NALF1: variants seen among roughly 807,000 people sequenced by gnomAD.
NALF1 encodes the protein NALCN channel auxiliary factor 1.
A neutral mutation model predicts 48.4 loss-of-function variants in NALF1; 3 were observed. The ratio of observed to expected loss-of-function variants is 0.06; its 90% CI spans 0.03 to 0.16. The LOEUF (loss-of-function observed/expected upper bound fraction) is 0.16. Ranked by LOEUF, NALF1 falls within the 10% of genes least tolerant of loss-of-function variation. The probability of loss-of-function intolerance (pLI) is 1.00; values close to 1 mark genes in which losing one functional copy is unlikely to be tolerated. For synonymous variants in NALF1, 262 were observed against 245.7 expected (o/e 1.07, Z -0.62); for missense variants, 526 against 571.5 (o/e 0.92, Z 0.81).
intron 1 of NALF1, among the ~76,000 whole-genome samples, chr13:107,534,163 GAAATCA>G (rs1186929538): frequency 6.6e-6 from 1 of 152,066 alleles, no homozygotes; most frequent in Non-Finnish European, 1.5e-5. Flanking sequence ...CCAGACCTAT[GAAATCA>G]GAAACTCTGC....
At chr13:107,577,683 G>T (rs1178086856) in intron 1 of NALF1, among the ~76,000 whole-genome samples, 1 of 152,014 alleles carries the variant, frequency 6.6e-6, no homozygotes, top group African/African-American at 2.4e-5. Context: ...TCTATTTTTT[G>T]TTACATTTTC....
chr13:107,576,367 T>A (rs1878148897), intron 1 of NALF1, among the ~76,000 whole-genome samples: 1 of 152,226 alleles, frequency 6.6e-6, no homozygotes, highest in Admixed American at 6.5e-5. Flanking sequence ...GTTTTTTTGT[T>A]TATTTGCTCA....
At chr13:107,703,075 C>T (rs999504953) in intron 1 of NALF1, among the ~76,000 whole-genome samples, 5 of 152,098 alleles carry the variant, frequency 3.3e-5, no homozygotes, top group Non-Finnish European at 5.9e-5. Flanking sequence ...AACAGGATTG[C>T]TGGGTCAAAT....
At chr13:107,350,213 C>A (rs748991671) in intron 1 of NALF1, among the ~76,000 whole-genome samples, 3 of 152,076 alleles carry the variant, frequency 2.0e-5, no homozygotes, top group Admixed American at 2.0e-4. Flanking sequence ...CTGTATTGTA[C>A]GTAAAACAGT....
chr13:107,801,871 C>T (rs1010455511), intron 1 of NALF1, among the ~76,000 whole-genome samples: 5 of 152,242 alleles, frequency 3.3e-5, no homozygotes, highest in South Asian at 2.1e-4. Context: ...AGCGCTGCAC[C>T]GGTTGAATGA....
chr13:107,443,167 ACAAT>A (rs368435398), intron 1 of NALF1, among the ~76,000 whole-genome samples: 15,133 of 138,318 alleles, frequency 0.11, 1,001 homozygotes, highest in Non-Finnish European at 0.16. Context: ...TATTTATCTA[ACAAT>A]CTATCTATCT....
chr13:107,349,801 A>G (rs979986386), intron 1 of NALF1, among the ~76,000 whole-genome samples: 16 of 151,918 alleles, frequency 1.1e-4, no homozygotes, highest in Admixed American at 8.5e-4. Flanking sequence ...GATAGCCATA[A>G]GTAGACCCTC....
chr13:107,727,605 G>A (rs1227370898), intron 1 of NALF1, among the ~76,000 whole-genome samples: 1 of 152,170 alleles, frequency 6.6e-6, no homozygotes, highest in African/African-American at 2.4e-5. Flanking sequence ...ACGCCATTCA[G>A]GACACAGGCA....
In NALF1 at chr13:107,578,069, C is replaced by G. The variant is rs573437609; in HGVS notation, c.915+287613G>C. 1.7e-3 allele frequency among the ~76,000 whole-genome samples: 254 copies of G among 152,254 alleles called. 1 individual carries two copies. The highest frequency in any genetic ancestry group is 5.7e-3 in the African/African-American group (236 of 41,548). On this transcript the variant is annotated intron_variant, in intron 1 of 2. Coordinates refer to ENST00000375915, the MANE Select transcript of NALF1 (RefSeq NM_001080396.3). ...CAGGTCTAAAATTGATTGGTGCTAT[C>G]TCCTCTTCCCAATTCTTGCCTCCTC...
intron 1 of NALF1, among the ~76,000 whole-genome samples, chr13:107,817,367 CT>C (rs1440900991): frequency 6.6e-6 from 1 of 152,150 alleles, no homozygotes; most frequent in Non-Finnish European, 1.5e-5. Context: ...GATTCTGTAA[CT>C]TTTGGTAGAC....
intron 1 of NALF1, among the ~76,000 whole-genome samples, chr13:107,517,516 C>T (rs534002257): frequency 2.0e-5 from 3 of 152,194 alleles, no homozygotes; most frequent in African/African-American, 7.2e-5. Flanking sequence ...CCTGTAGTCC[C>T]AGCTACTCGG....
chr13:107,186,470 C>T (rs1237980734), intron 2 of NALF1, among the ~76,000 whole-genome samples: 4 of 152,124 alleles, frequency 2.6e-5, no homozygotes, highest in Non-Finnish European at 4.4e-5. Flanking sequence ...CGGGTTCAAG[C>T]GATTCTCTTG....
intron 1 of NALF1, among the ~76,000 whole-genome samples, chr13:107,293,026 GC>G (rs144005443): frequency 0.014 from 1,842 of 131,726 alleles, 61 homozygotes; most frequent in East Asian, 0.037. Flanking sequence ...TGTCGCCCAG[GC>G]TGGAGTGCAG....
At chr13:107,646,181 A>G (rs1400555780) in intron 1 of NALF1, among the ~76,000 whole-genome samples, 1 of 152,070 alleles carries the variant, frequency 6.6e-6, no homozygotes, top group African/African-American at 2.4e-5. Flanking sequence ...CTGGTCAACA[A>G]GCTATTCCTT....
intron 1 of NALF1, among the ~76,000 whole-genome samples, chr13:107,759,954 C>A (rs950993419): frequency 1.3e-5 from 2 of 152,036 alleles, no homozygotes; most frequent in Non-Finnish European, 2.9e-5. Context: ...ACTTTTTTGT[C>A]ACATTCAACA....
At chr13:107,676,131 A>G (rs6492067) in intron 1 of NALF1, among the ~76,000 whole-genome samples, 77,306 of 152,124 alleles carry the variant, frequency 0.51, 20,521 homozygotes, top group Middle Eastern at 0.66. Context: ...AGGAGTCAAT[A>G]CTACTTATTC....
intron 1 of NALF1, among the ~76,000 whole-genome samples, chr13:107,425,299 A>G (rs1884260731): frequency 6.6e-6 from 1 of 152,208 alleles, no homozygotes; most frequent in African/African-American, 2.4e-5. Context: ...TTCTAAAGAG[A>G]AAAGCCCCAT....
At chr13:107,828,492 G>GT (rs35255869) in intron 1 of NALF1, among the ~76,000 whole-genome samples, 96,305 of 136,684 alleles carry the variant, frequency 0.7, 35,402 homozygotes, top group Non-Finnish European at 0.81. Flanking sequence ...CCACTGACTT[G>GT]TTTTTTTTTT....
At chr13:107,539,568 T>C (rs1956611852) in intron 1 of NALF1, among the ~76,000 whole-genome samples, 4 of 152,126 alleles carry the variant, frequency 2.6e-5, no homozygotes, top group Non-Finnish European at 5.9e-5. Context: ...TCTAAACTTA[T>C]TTTTCATCTA....
Sources: allele counts gnomAD v4.1 joint callset (sites outside exome capture counted in the v4.1 genomes callset), GRCh38; gene constraint gnomAD v4.1.1; transcripts MANE v1.5; gene names NCBI Gene and HGNC (gene_info 2026-07-23, HGNC 2026-07-21).